SMARCC1: variants seen among roughly 807,000 people sequenced by gnomAD.
The protein encoded by SMARCC1 is SWI/SNF related BAF chromatin remodeling complex subunit C1.
In SMARCC1, 43 loss-of-function variants were observed where a neutral mutation model predicts 147.4. That is an observed-to-expected ratio of 0.29 (90% CI 0.23 to 0.38). The LOEUF (loss-of-function observed/expected upper bound fraction) is 0.38, where lower values mean the gene tolerates loss of function less well. Ranked by LOEUF, SMARCC1 falls within the 10% of genes least tolerant of loss-of-function variation. The probability of loss-of-function intolerance (pLI) is 1.00; values close to 1 mark genes in which losing one functional copy is unlikely to be tolerated. For synonymous variants in SMARCC1, 495 were observed against 484.4 expected, an observed-to-expected ratio of 1.02 and a Z score of -0.29; for missense variants, 1,119 against 1,381.1, an observed-to-expected ratio of 0.81 and a Z score of 3.01.
chr3:47,764,908 A>G (rs1035439822), intron 2 of SMARCC1, among the ~76,000 whole-genome samples: 1 of 152,230 alleles, frequency 6.6e-6, no homozygotes, highest in Admixed American at 6.6e-5. Flanking sequence ...CAAGCAAAAC[A>G]TAATACTATA....
chr3:47,663,844 C>CATG, intron 19 of SMARCC1: 1 of 1,564,140 alleles, frequency 6.4e-7, no homozygotes, highest in South Asian at 1.1e-5. Flanking sequence ...GCTCTCAGCT[C>CATG]ATGATGTGCA....
chr3:47,729,498 G>T (rs939409497), intron 5 of SMARCC1, among the ~76,000 whole-genome samples: 5 of 152,108 alleles, frequency 3.3e-5, no homozygotes, highest in Non-Finnish European at 7.4e-5. Context: ...CGATTCTCCT[G>T]CCTCAGCCTC....
intron 2 of SMARCC1, among the ~76,000 whole-genome samples, chr3:47,749,976 G>C (rs1178302409): frequency 6.6e-6 from 1 of 151,880 alleles, no homozygotes; most frequent in Non-Finnish European, 1.5e-5. Context: ...CAACTACTCA[G>C]GAGGCTGAGG....
intron 8 of SMARCC1, among the ~76,000 whole-genome samples, 183 bp downstream of exon 8, chr3:47,714,232 C>T (rs976073748): frequency 1.3e-5 from 2 of 152,152 alleles, no homozygotes; most frequent in South Asian, 2.1e-4. Context: ...AACGTGGTGG[C>T]GTGTGCCTAT....
rs775759680 is a variant in SMARCC1 at position 47,671,173 on chromosome 3, CAAAAAA to C, written c.1840-462_1840-457del. 3.5e-3 allele frequency among the ~76,000 whole-genome samples: 101 copies of C among 29,244 alleles called. 3 individuals carry two copies. The highest frequency in any genetic ancestry group is 4.4e-3 in the Non-Finnish European group (80 of 18,022). The allele number at this position is 29,244 out of a possible 152,430, so 19.2% of individuals were successfully genotyped here. A position where few individuals can be genotyped will look rare whatever the true frequency, so the allele number is the denominator to read the frequency against. The stretch of plus-strand genomic sequence containing the variant: ...CCTGGGCAACAGAGCGAGACTATCT[CAAAAAA>C]AAAAAAAAAAAAAAAAAAACACACA... On this transcript the variant is annotated intron_variant, in intron 18 of 27. Transcript: ENST00000254480.
intron 2 of SMARCC1, among the ~76,000 whole-genome samples, chr3:47,768,615 T>C (rs1273468664): frequency 1.3e-5 from 2 of 152,184 alleles, no homozygotes; most frequent in Non-Finnish European, 2.9e-5. Flanking sequence ...AATCAATATG[T>C]ACTATATTAT....
At chr3:47,770,183 G>A (rs1032640237) in intron 2 of SMARCC1, among the ~76,000 whole-genome samples, 2 of 152,042 alleles carry the variant, frequency 1.3e-5, no homozygotes, top group African/African-American at 2.4e-5. Flanking sequence ...AGCTGAGATT[G>A]TACCACTGCA....
At chr3:47,654,602 T>C (rs1470744733) in intron 21 of SMARCC1, among the ~76,000 whole-genome samples, 1 of 152,208 alleles carries the variant, frequency 6.6e-6, no homozygotes, top group Non-Finnish European at 1.5e-5. Flanking sequence ...AGCTCACAGT[T>C]CCACAGACTT....
rs577181611 is a variant in SMARCC1 at position 47,728,954 on chromosome 3, T to C, written c.646+71A>G. The C allele has an allele frequency of 2.9e-5, 27 of 935,184 alleles. No individual in the cohort carries two copies. In the East Asian group the frequency reaches 3.3e-4, roughly 11 times the overall value. The allele number at this position is 935,184 out of a possible 1,614,324, so 57.9% of individuals were successfully genotyped here. A position where few individuals can be genotyped will look rare whatever the true frequency, so the allele number is the denominator to read the frequency against. On this transcript the variant is annotated intron_variant, in intron 6 of 27. Transcript: ENST00000254480. ...AAGCTGGTTATTCTGTTTAAGTCTT[T>C]GGGGGTATGACATAAAATCCATTTG...
chr3:47,648,158 C>T (rs1296513248), intron 21 of SMARCC1, among the ~76,000 whole-genome samples: 3 of 152,046 alleles, frequency 2.0e-5, no homozygotes, highest in South Asian at 2.1e-4. Flanking sequence ...CCACACCCAG[C>T]TAATTTTTGT....
intron 21 of SMARCC1, among the ~76,000 whole-genome samples, chr3:47,659,141 G>C (rs1320174905): frequency 1.4e-5 from 2 of 145,440 alleles, no homozygotes; most frequent in Non-Finnish European, 3.0e-5. Flanking sequence ...AAAAATGAGA[G>C]AGAGAGACAG....
intron 26 of SMARCC1, among the ~76,000 whole-genome samples, chr3:47,597,426 A>G (rs945434896): frequency 6.6e-6 from 1 of 151,898 alleles, no homozygotes; most frequent in Non-Finnish European, 1.5e-5. Flanking sequence ...TCCCGGGTTC[A>G]TGCCATTCTC....
At chr3:47,713,063 C>T (rs1462175997) in intron 8 of SMARCC1, among the ~76,000 whole-genome samples, 1 of 152,098 alleles carries the variant, frequency 6.6e-6, no homozygotes, top group East Asian at 1.9e-4. Context: ...TGGCTCACAC[C>T]TGTAATCCCA....
chr3:47,601,539 C>T (rs1576383817), intron 26 of SMARCC1, among the ~76,000 whole-genome samples: 1 of 152,218 alleles, frequency 6.6e-6, no homozygotes, highest in African/African-American at 2.4e-5. Flanking sequence ...GTGACAGACT[C>T]TCTTTGTTGA....
intron 2 of SMARCC1, among the ~76,000 whole-genome samples, chr3:47,747,690 T>C (rs2034581610): frequency 6.6e-6 from 1 of 151,744 alleles, no homozygotes; most frequent in Non-Finnish European, 1.5e-5. Flanking sequence ...AAAATGCCTG[T>C]AACCCCAGTA....
intron 21 of SMARCC1, among the ~76,000 whole-genome samples, chr3:47,649,947 G>A (rs371522171): frequency 6.6e-6 from 1 of 152,258 alleles, no homozygotes; most frequent in East Asian, 1.9e-4. Flanking sequence ...GGACTATTTA[G>A]GCTACAAAGA....
chr3:47,721,224 A>C (rs188473095), intron 6 of SMARCC1, among the ~76,000 whole-genome samples: 7 of 152,276 alleles, frequency 4.6e-5, no homozygotes, highest in African/African-American at 1.7e-4. Context: ...CTGATGTCCT[A>C]TAAGCTGTAA....
intron 5 of SMARCC1, among the ~76,000 whole-genome samples, chr3:47,735,763 C>CA (rs1212581749): frequency 6.6e-6 from 1 of 151,122 alleles, no homozygotes; most frequent in East Asian, 2.0e-4. Flanking sequence ...ACCACAACAA[C>CA]AAAAAAACTG....
At chr3:47,716,375 A>AC (rs2034155942) in intron 7 of SMARCC1, among the ~76,000 whole-genome samples, 1 of 136,562 alleles carries the variant, frequency 7.3e-6, no homozygotes, top group Admixed American at 8.5e-5. Flanking sequence ...CTTAGATCGC[A>AC]CCACTGCACT....
Sources: gnomAD v4.1 joint callset for allele counts (sites outside exome capture counted in the v4.1 genomes callset) on GRCh38, gnomAD v4.1.1 for gene constraint, MANE v1.5 for transcripts, NCBI Gene and HGNC (gene_info 2026-07-23, HGNC 2026-07-21) for gene names.